OR2T29: variants seen among roughly 807,000 people sequenced by gnomAD.
The protein encoded by OR2T29 is olfactory receptor family 2 subfamily T member 29, also known as olfactory receptor 2T29.
For missense variants in OR2T29, 7 were observed against 121.9 expected (o/e 0.06, Z 4.44); for synonymous variants, 2 against 44.9 (o/e 0.04, Z 3.82).
intron 1 of OR2T29, among the ~76,000 whole-genome samples, chr1:248,562,101 G>A (rs1659534438): frequency 6.8e-6 from 1 of 146,538 alleles, no homozygotes; most frequent in South Asian, 2.2e-4. Flanking sequence ...TCTTTCCCAA[G>A]AGCCTATGAG....
At chr1:248,562,273 C>T (rs11488723) in intron 1 of OR2T29, among the ~76,000 whole-genome samples, 26,896 of 136,026 alleles carry the variant, frequency 0.2, 262 homozygotes, top group East Asian at 0.37. Context: ...ACACCATCCT[C>T]CCTCTGCAGT....
At chr1:248,562,282 G>A (rs1490376107) in intron 1 of OR2T29, among the ~76,000 whole-genome samples, 1 of 148,282 alleles carries the variant, frequency 6.7e-6, no homozygotes, top group African/African-American at 2.5e-5. Context: ...TCCCTCTGCA[G>A]TCTACACTTT....
rs1659544456 is a variant in OR2T29, at chr1:248,562,756, T to C, written c.-41A>G. On this transcript the variant is annotated 5_prime_UTR_variant, in exon 1 of 2. Transcript: ENST00000641069. ...GATGATGTCTTGAACCTCACCTAGA[T>C]GGGCTGGTGGTGTGTGGCCAGGTTA... is the stretch of plus-strand genomic sequence containing the variant. The C allele has an allele frequency of 6.9e-6, 1 of 144,252 alleles. No homozygotes were observed. Among genetic ancestry groups the C allele is most frequent in the East Asian group, 2.0e-4 (1 of 5,008 alleles). The allele number at this position is 144,252 out of a possible 1,614,324, so 8.9% of individuals were successfully genotyped here.
rs1158674006 is a variant in OR2T29, at chr1:248,556,930, AAAG to A, written c.*1611_*1613del. ...TAAAATAATTGAGTGTGGTGAGAGAAAAGAAGAATGTGTACTGTTGAAAACACC... is the reference window on the plus strand; with the variant it reads ...TAAAATAATTGAGTGTGGTGAGAGAAAAGAATGTGTACTGTTGAAAACACC... On this transcript the variant is annotated 3_prime_UTR_variant, in exon 2 of 2. Coordinates refer to ENST00000641069, the MANE Select transcript of OR2T29 (RefSeq NM_001004694.3). The A allele has an allele frequency of 1.7e-4, 25 of 146,848 alleles. No individual in the cohort carries two copies. Among genetic ancestry groups the A allele is most frequent in the African/African-American group, 5.7e-4 (23 of 40,136 alleles). The allele number at this position is 146,848 out of a possible 1,614,324, so 9.1% of individuals were successfully genotyped here.
Position 248,558,074 on chromosome 1 carries a change from AATG to A in OR2T29, c.*467_*469del, listed in dbSNP as rs1659480754. ...AAAGCCTGGTATTTAATTATTTGTA[AATG>A]ATTTCAACTTCACAAAAATCATTAA... On this transcript the variant is annotated 3_prime_UTR_variant, in exon 2 of 2. Coordinates refer to ENST00000641069, the MANE Select transcript of OR2T29 (RefSeq NM_001004694.3). 1 of 137,304 alleles carries A rather than the reference AATG, an allele frequency of 7.3e-6. No individual in the cohort carries two copies. Among genetic ancestry groups the A allele is most frequent in the African/African-American group, 2.7e-5 (1 of 37,652 alleles). The allele number at this position is 137,304 out of a possible 1,614,324, so 8.5% of individuals were successfully genotyped here. A position where few individuals can be genotyped will look rare whatever the true frequency, so the allele number is the denominator to read the frequency against.
rs1299039919 is a variant in OR2T29, at chr1:248,562,703, C to CCT, written c.-11+21_-11+22dup. 5.5e-5 allele frequency: 8 copies of CCT among 145,454 alleles called. 1 individual carries two copies. The highest frequency in any genetic ancestry group is 9.1e-5 in the Non-Finnish European group (6 of 65,596). The allele number at this position is 145,454 out of a possible 1,614,324, so 9.0% of individuals were successfully genotyped here. Reference sequence around the variant, plus strand: ...GACCCTTTTGTTCCTGCTAGTACCTCCTGTCTGTCTGGCCGAACTCACCAT... The same window carrying CCT: ...GACCCTTTTGTTCCTGCTAGTACCTCCTCTGTCTGTCTGGCCGAACTCACCAT... On this transcript the variant is annotated intron_variant, in intron 1 of 1. Transcript: ENST00000641069.
At position 248,556,989 on chromosome 1, in the gene OR2T29, A is replaced by G. The variant is rs1258431201; in HGVS notation, c.*1555T>C. On this transcript the variant is annotated 3_prime_UTR_variant, in exon 2 of 2. Transcript: ENST00000641069. ...ATTCGCAAGTTGTACATAGCCAATT[A>G]GGAAGTTATAGCATGCAGCTACCAC... 2 of 146,198 alleles carry G rather than the reference A, an allele frequency of 1.4e-5. No individual in the cohort carries two copies. The highest frequency in any genetic ancestry group is 3.0e-5 in the Non-Finnish European group (2 of 65,924). The allele number at this position is 146,198 out of a possible 1,614,324, so 9.1% of individuals were successfully genotyped here. A position where few individuals can be genotyped will look rare whatever the true frequency, so the allele number is the denominator to read the frequency against.
chr1:248,562,230 AG>A (rs1659535978), intron 1 of OR2T29, among the ~76,000 whole-genome samples: 1 of 150,846 alleles, frequency 6.6e-6, no homozygotes. Context: ...AGTGAGAGCC[AG>A]CGCACGTAAC....
rs1393934420 is a variant in OR2T29 at position 248,557,060 on chromosome 1, CCCT to C, written c.*1481_*1483del. 6.6e-6 allele frequency: 1 copy of C among 150,786 alleles called. No individual in the cohort carries two copies. Among genetic ancestry groups the C allele is most frequent in the Non-Finnish European group, 1.5e-5 (1 of 67,616 alleles). The allele number at this position is 150,786 out of a possible 1,614,324, so 9.3% of individuals were successfully genotyped here. ...GGTTCAGCAGGCCCCACCTCAAATG[CCCT>C]CCTATCAGCCTATTCTCGGGTAAAG... is the stretch of plus-strand genomic sequence containing the variant. On this transcript the variant is annotated 3_prime_UTR_variant, in exon 2 of 2. Coordinates refer to ENST00000641069, the MANE Select transcript of OR2T29 (RefSeq NM_001004694.3).
At chr1:248,562,233 G>A (rs571254828) in intron 1 of OR2T29, among the ~76,000 whole-genome samples, 10 of 150,826 alleles carry the variant, frequency 6.6e-5, no homozygotes, top group Non-Finnish European at 1.0e-4. Flanking sequence ...GAGAGCCAGC[G>A]CACGTAACTC....
At chr1:248,562,124 A>AT (rs1390922200) in intron 1 of OR2T29, among the ~76,000 whole-genome samples, 1 of 147,812 alleles carries the variant, frequency 6.8e-6, no homozygotes, top group East Asian at 2.0e-4. Context: ...ACTTCCTATT[A>AT]TTTTCTCTCT....
At chr1:248,562,074 T>G (rs1346468824) in intron 1 of OR2T29, among the ~76,000 whole-genome samples, 5 of 143,474 alleles carry the variant, frequency 3.5e-5, no homozygotes, top group Non-Finnish European at 7.6e-5. Context: ...ATACTAAAAT[T>G]AATACTTTAC....
intron 1 of OR2T29, among the ~76,000 whole-genome samples, chr1:248,562,118 C>T (rs1447942344): frequency 1.6e-3 from 236 of 147,924 alleles, no homozygotes; most frequent in Non-Finnish European, 2.5e-3. Flanking sequence ...TGAGTTACTT[C>T]CTATTATTTT....
intron 1 of OR2T29, among the ~76,000 whole-genome samples, chr1:248,560,506 TAAA>T: frequency 2.4e-5 from 1 of 41,982 alleles, no homozygotes; most frequent in African/African-American, 4.1e-5. Flanking sequence ...TGACCCACTT[TAAA>T]AAAAAACAAT....
At position 248,557,059 on chromosome 1, in the gene OR2T29, GCCC is replaced by G. The variant is rs1200189167; in HGVS notation, c.*1482_*1484del. ...AGGTTCAGCAGGCCCCACCTCAAAT[GCCC>G]TCCTATCAGCCTATTCTCGGGTAAA... On this transcript the variant is annotated 3_prime_UTR_variant, in exon 2 of 2. Transcript: ENST00000641069. 1.3e-5 allele frequency: 2 copies of G among 152,192 alleles called. No homozygotes were observed. Among genetic ancestry groups the G allele is most frequent in the African/African-American group, 4.8e-5 (2 of 41,474 alleles). The allele number at this position is 152,192 out of a possible 1,614,324, so 9.4% of individuals were successfully genotyped here.
intron 1 of OR2T29, among the ~76,000 whole-genome samples, chr1:248,562,355 T>TA (rs1410644156): frequency 7.5e-6 from 1 of 133,598 alleles, no homozygotes; most frequent in African/African-American, 3.5e-5. Context: ...ACATTGTTTC[T>TA]AGTGTTTTGT....
intron 1 of OR2T29, among the ~76,000 whole-genome samples, chr1:248,562,207 G>T (rs1401216857): frequency 2.0e-5 from 3 of 150,816 alleles, no homozygotes; most frequent in Admixed American, 6.6e-5. Flanking sequence ...TAGAACGCAC[G>T]TCTCAGCCCG....
Position 248,558,157 on chromosome 1 carries a change from AG to A in OR2T29, c.*386del, listed in dbSNP as rs1659482755. 8.9e-6 allele frequency: 1 copy of A among 112,236 alleles called. No individual in the cohort carries two copies. The highest frequency in any genetic ancestry group is 3.3e-5 in the African/African-American group (1 of 30,412). 7.0% of individuals were successfully genotyped at this position (112,236 alleles called of 1,614,324 possible). A position where few individuals can be genotyped will look rare whatever the true frequency, so the allele number is the denominator to read the frequency against. ...CCCTTTACCCATACTCATGTGTGGC[AG>A]CAACATTGAACTCAGTTTGTTTCAT... On this transcript the variant is annotated 3_prime_UTR_variant, in exon 2 of 2. Transcript: ENST00000641069.
In OR2T29 at chr1:248,558,136, TTACCCA is replaced by T. The variant is rs1659482167; in HGVS notation, c.*402_*407del. ...AGTACAATTAATACCTATATACCCT[TTACCCA>T]TACTCATGTGTGGCAGCAACATTGA... On this transcript the variant is annotated 3_prime_UTR_variant, in exon 2 of 2. Coordinates refer to ENST00000641069, the MANE Select transcript of OR2T29 (RefSeq NM_001004694.3). 1.8e-5 allele frequency: 2 copies of T among 108,700 alleles called. No homozygotes were observed. The highest frequency in any genetic ancestry group is 3.9e-5 in the Non-Finnish European group (2 of 50,900). 6.7% of individuals were successfully genotyped at this position (108,700 alleles called of 1,614,324 possible).
Sources: gnomAD v4.1 joint callset for allele counts (sites outside exome capture counted in the v4.1 genomes callset) on GRCh38, gnomAD v4.1.1 for gene constraint, MANE v1.5 for transcripts, NCBI Gene and HGNC (gene_info 2026-07-23, HGNC 2026-07-21) for gene names.